ZNF528: variants seen among roughly 807,000 people sequenced by gnomAD.
The protein encoded by ZNF528 is zinc finger protein 528.
A neutral mutation model predicts 13.3 loss-of-function variants in ZNF528; 9 were observed. The ratio of observed to expected loss-of-function variants is 0.67; its 90% CI spans 0.41 to 1.18. The LOEUF is 1.18. Ranked by LOEUF, ZNF528 falls within the 50% of genes most tolerant of loss-of-function variation. The pLI, the probability that ZNF528 is intolerant of heterozygous loss-of-function variation, is 0.01. For missense variants in ZNF528, 858 were observed against 745.4 expected, an observed-to-expected ratio of 1.15 and a Z score of -1.76; for synonymous variants, 264 against 254.3, an observed-to-expected ratio of 1.04 and a Z score of -0.36.
chr19:52,414,001 C>G (rs1203468016), intron 6 of ZNF528: 1 of 534,094 alleles, frequency 1.9e-6, no homozygotes, highest in Non-Finnish European at 3.4e-6. Flanking sequence ...CAGGCTGTCT[C>G]AATAGAACTT....
At chr19:52,408,601 T>A (rs1340138131) in intron 6 of ZNF528, 1 of 152,064 alleles carries the variant, frequency 6.6e-6, no homozygotes, top group Non-Finnish European at 1.5e-5. Flanking sequence ...GGGGATGGAG[T>A]TTTGCTCTGT....
chr19:52,411,797 C>G (rs2058934476), intron 6 of ZNF528: 1 of 152,202 alleles, frequency 6.6e-6, no homozygotes, highest in African/African-American at 2.4e-5. Context: ...CATTTCAAAT[C>G]CTGGGTTACC....
rs2059024499 is a variant in ZNF528 at position 52,418,353 on chromosome 19, A to C, written c.*1614A>C. ...TATAAGTTGCAACCATTTGATTTAG[A>C]ATGTATGCAGCTCTCATGTTTGTAG... On this transcript the variant is annotated 3_prime_UTR_variant, in exon 7 of 7. Coordinates refer to ENST00000360465, the MANE Select transcript of ZNF528 (RefSeq NM_032423.3). 6.6e-6 allele frequency: 1 copy of C among 152,188 alleles called. No individual in the cohort carries two copies. The highest frequency in any genetic ancestry group is 1.5e-5 in the Non-Finnish European group (1 of 68,036). The allele number at this position is 152,188 out of a possible 1,614,324, so 9.4% of individuals were successfully genotyped here.
At chr19:52,401,914 C>T (rs2058799302) in intron 3 of ZNF528, 33 bp from the exon 4 acceptor site, 4 of 1,600,816 alleles carry the variant, frequency 2.5e-6, no homozygotes, top group South Asian at 2.2e-5. Context: ...TATGTTGATT[C>T]TAAGCCCTAA....
intron 6 of ZNF528, among the ~76,000 whole-genome samples, chr19:52,409,718 G>A (rs1377679421): frequency 2.0e-5 from 3 of 151,208 alleles, no homozygotes; most frequent in African/African-American, 7.3e-5. Flanking sequence ...GTTTGTTTTT[G>A]TTTTTGTTTT....
chr19:52,400,520 A>C (rs1196364653), intron 2 of ZNF528, among the ~76,000 whole-genome samples: 4 of 151,598 alleles, frequency 2.6e-5, no homozygotes, highest in Admixed American at 1.3e-4. Context: ...CTAGTTATTT[A>C]TTTATTCATT....
rs753584022 is a variant in ZNF528 at position 52,416,754 on chromosome 19, T to C, written c.*15T>C. 1 of 1,432,692 alleles carries C rather than the reference T, an allele frequency of 7.0e-7. No individual in the cohort carries two copies. The highest frequency in any genetic ancestry group is 1.2e-5 in the South Asian group (1 of 82,254). 88.7% of individuals were successfully genotyped at this position (1,432,692 alleles called of 1,614,324 possible). The stretch of plus-strand genomic sequence containing the variant: ...TTCATTCATGAGAGTCCCTACAAAC[T>C]GTATGGCAAAACCATCATCATGAGT... On this transcript the variant is annotated 3_prime_UTR_variant, in exon 7 of 7. Transcript: ENST00000360465.
At position 52,418,279 on chromosome 19, in the gene ZNF528, G is replaced by C. The variant is rs1408103454; in HGVS notation, c.*1540G>C. The C allele has an allele frequency of 2.0e-5, 3 of 152,172 alleles. No individual in the cohort carries two copies. The South Asian group carries it at 6.2e-4, about 32-fold the overall frequency. The allele number at this position is 152,172 out of a possible 1,614,324, so 9.4% of individuals were successfully genotyped here. ...ATTACAGGCGTGAGCCACCACACCT[G>C]GCCAGCTCAGCATATTCTTAAGTAG... On this transcript the variant is annotated 3_prime_UTR_variant, in exon 7 of 7. Transcript: ENST00000360465.
rs1379870131 is a variant in ZNF528 at position 52,416,818 on chromosome 19, G to A, written c.*79G>A. On this transcript the variant is annotated 3_prime_UTR_variant, in exon 7 of 7. Transcript: ENST00000360465. The stretch of plus-strand genomic sequence containing the variant: ...AACATCAGTGAGTCCATACTAAGTG[G>A]AAATCATATAAATGAAATGTATGTG... 9.3e-6 allele frequency: 13 copies of A among 1,390,748 alleles called. No homozygotes were observed. The highest frequency in any genetic ancestry group is 2.9e-6 in the Non-Finnish European group (3 of 1,033,440). The allele number at this position is 1,390,748 out of a possible 1,614,324, so 86.2% of individuals were successfully genotyped here. A position where few individuals can be genotyped will look rare whatever the true frequency, so the allele number is the denominator to read the frequency against.
chr19:52,406,553 G>A lies in ZNF528; in HGVS notation c.181G>A (p.Glu61Lys), dbSNP rs1479925460. 2 of 1,614,006 alleles carry A rather than the reference G, an allele frequency of 1.2e-6. No homozygotes were observed. Among genetic ancestry groups the A allele is most frequent in the African/African-American group, 1.3e-5 (1 of 75,018 alleles). The change falls in exon 6 of 7, where the codon GAG (glutamate) becomes AAG (lysine). Residue 61 changes from glutamate to lysine, a missense_variant. Transcript: ENST00000360465. ...TGACCTGAGTGTTACCTCCATGTTA[G>A]AGCAAAAGAGAGATCCCTGGACTCT... ...LPDLSVTSML[E>K]QKRDPWTLQS...
intron 6 of ZNF528, chr19:52,414,725 C>T (rs1414443509): frequency 5.2e-6 from 2 of 380,982 alleles, no homozygotes; most frequent in Admixed American, 3.8e-5. Flanking sequence ...GGGCCTTCAG[C>T]TTCCTACATG....
rs537174924 is a variant in ZNF528, at chr19:52,407,601, C to T, written c.271+958C>T. Among the ~76,000 whole-genome samples the T allele has an allele frequency of 3.9e-3, 586 of 151,718 alleles. 5 individuals carry two copies. Among genetic ancestry groups the T allele is most frequent in the African/African-American group, 0.014 (564 of 41,398 alleles). ...GACCAGCCTGGCCAACATGGTGAAA[C>T]CCTGCCTCTACTAAAAATACAAAAA... On this transcript the variant is annotated intron_variant, in intron 6 of 6. Coordinates refer to ENST00000360465, the MANE Select transcript of ZNF528 (RefSeq NM_032423.3).
At chr19:52,412,131 A>T (rs1420602425) in intron 6 of ZNF528, 2 of 152,222 alleles carry the variant, frequency 1.3e-5, no homozygotes, top group East Asian at 3.8e-4. Flanking sequence ...ATTGGGATAG[A>T]TAAGTTTCCT....
At position 52,416,192 on chromosome 19, in the gene ZNF528, G is replaced by T. The variant is rs765967130; in HGVS notation, c.1340G>T (p.Arg447Ile). The T allele has an allele frequency of 6.2e-7, 1 of 1,613,822 alleles. No homozygotes were observed. Among genetic ancestry groups the T allele is most frequent in the South Asian group, 1.1e-5 (1 of 91,058 alleles). ...YKCNKCGTAF[R>I]EFSDLTAHFL... is the part of the protein sequence containing the mutation. ...TGTAATAAATGTGGCACAGCGTTTA[G>T]AGAGTTTTCAGACCTTACTGCCCAT... Residue 447 changes from arginine to isoleucine, a missense_variant, in exon 7 of 7, where the codon AGA becomes ATA. Transcript: ENST00000360465.
intron 6 of ZNF528, among the ~76,000 whole-genome samples, chr19:52,409,981 C>G (rs1187513987): frequency 6.6e-6 from 1 of 152,184 alleles, no homozygotes; most frequent in Non-Finnish European, 1.5e-5. Context: ...TCCCAAAATG[C>G]TGGGATTATA....
rs747031468 is a variant in ZNF528 at position 52,416,665 on chromosome 19, TACAA to T, written c.1815_1818del (p.Lys606AlafsTer44). On this transcript the variant is annotated frameshift_variant, in exon 7 of 7. Coordinates refer to ENST00000360465, the MANE Select transcript of ZNF528 (RefSeq NM_032423.3). LOFTEE classifies it low-confidence loss of function (END_TRUNC). ...TAGAATTCACATTGGAGAGAAACCT[TACAA>T]ATGCACCCTGTGCAGTAAGGTCTTC... The T allele has an allele frequency of 4.3e-6, 7 of 1,613,946 alleles. No individual in the cohort carries two copies. The South Asian group carries it at 7.7e-5, about 18-fold the overall frequency.
rs536673444 is a variant in ZNF528, at chr19:52,410,571, G to T, written c.271+3928G>T. Among the ~76,000 whole-genome samples the T allele has an allele frequency of 1.3e-3, 205 of 152,286 alleles. 1 individual carries two copies. Among genetic ancestry groups the T allele is most frequent in the African/African-American group, 4.8e-3 (199 of 41,554 alleles). Reference sequence around the variant, plus strand: ...TTGGTCATATAGCCTCCAGTGGAACGCTGAGTTGGTCATGTCTCTCAGGCC... The same window carrying T: ...TTGGTCATATAGCCTCCAGTGGAACTCTGAGTTGGTCATGTCTCTCAGGCC... On this transcript the variant is annotated intron_variant, in intron 6 of 6. Transcript: ENST00000360465.
rs766515518 is a variant in ZNF528 at position 52,415,809 on chromosome 19, T to C, written c.957T>C (p.His319=). ...ACCTTGTACGACATCAAAAAATTCA[T>C]ACTGGAGAGAAACCTTACAGTTGTA... ...IAHLVRHQKI[H]TGEKPYSCNK... The change falls in exon 7 of 7, where the codon CAT becomes CAC. Residue 319 remains histidine, a synonymous_variant. Transcript: ENST00000360465. The C allele has an allele frequency of 6.2e-7, 1 of 1,614,196 alleles. No homozygotes were observed. Among genetic ancestry groups the C allele is most frequent in the South Asian group, 1.1e-5 (1 of 91,086 alleles).
chr19:52,406,143 G>T, intron 5 of ZNF528, 110 bp downstream of exon 5: 2 of 1,349,226 alleles, frequency 1.5e-6, no homozygotes, highest in Non-Finnish European at 2.0e-6. Context: ...TTGAAACCAT[G>T]TTGACTCAGA....
Sources: gnomAD v4.1 joint callset for allele counts (sites outside exome capture counted in the v4.1 genomes callset) on GRCh38, gnomAD v4.1.1 for gene constraint, MANE v1.5 for transcripts, NCBI Gene and HGNC (gene_info 2026-07-23, HGNC 2026-07-21) for gene names.